The following ANKRD45 variants were observed in gnomAD, a reference collection of about 807,000 sequenced individuals.
The protein encoded by ANKRD45 is ankyrin repeat domain-containing protein 45.
Under a neutral mutation model 28.1 loss-of-function variants are expected in ANKRD45, and 21 were observed. The ratio of observed to expected loss-of-function variants is 0.75; its 90% confidence interval spans 0.53 to 1.08. The LOEUF (loss-of-function observed/expected upper bound fraction) is 1.08. ANKRD45 is among the 50% of genes least tolerant of loss of function. ANKRD45 has a pLI of 0.00. For missense variants in ANKRD45, 261 were observed against 308.7 expected (o/e 0.85, Z 1.16); for synonymous variants, 86 against 103.9 (o/e 0.83, Z 1.05).
the ANKRD45 span, among the ~76,000 whole-genome samples, chr1:173,706,119 A>G: frequency 6.6e-6 from 1 of 151,938 alleles, no homozygotes; most frequent in Admixed American, 6.5e-5. Context: ...CCTGACCAAT[A>G]TGGTGAAACC....
At chr1:173,650,386 A>G (rs988718494) in intron 2 of ANKRD45, among the ~76,000 whole-genome samples, 6 of 152,170 alleles carry the variant, frequency 3.9e-5, no homozygotes, top group African/African-American at 9.7e-5. Flanking sequence ...TTTGCTGAGA[A>G]TGATGGTTTC....
intron 1 of ANKRD45, among the ~76,000 whole-genome samples, chr1:173,662,898 T>C (rs1284926983): frequency 6.6e-6 from 1 of 152,106 alleles, no homozygotes; most frequent in Non-Finnish European, 1.5e-5. Flanking sequence ...GGATTGGAAA[T>C]GGGAGTTGAG....
chr1:173,635,045 G>T (rs1161086345), intron 3 of ANKRD45, among the ~76,000 whole-genome samples: 1 of 151,954 alleles, frequency 6.6e-6, no homozygotes, highest in African/African-American at 2.4e-5. Flanking sequence ...AAATGTTAGA[G>T]GTGACATGAG....
the ANKRD45 span, among the ~76,000 whole-genome samples, chr1:173,677,571 T>C: frequency 5.3e-5 from 8 of 152,184 alleles, no homozygotes; most frequent in Non-Finnish European, 1.2e-4. Context: ...TGTTAATTTC[T>C]GGCCCTCTGT....
At chr1:173,625,000 C>T (rs765771270) in intron 4 of ANKRD45, 75 bp from the exon 5 acceptor site, 44 of 1,454,620 alleles carry the variant, frequency 3.0e-5, no homozygotes, top group Non-Finnish European at 4.1e-5. Flanking sequence ...TCTAAACCAG[C>T]ACGTCCAACT....
chr1:173,678,270 T>A, the ANKRD45 span, among the ~76,000 whole-genome samples: 1 of 151,974 alleles, frequency 6.6e-6, no homozygotes, highest in Non-Finnish European at 1.5e-5. Context: ...AAAAAGAAAA[T>A]TTTAGGCCAA....
At chr1:173,674,612 G>C (rs986391062), upstream of ANKRD45, among the ~76,000 whole-genome samples, 6 of 152,254 alleles carry the variant, frequency 3.9e-5, no homozygotes, top group Non-Finnish European at 8.8e-5. Flanking sequence ...GGAAAGGTGG[G>C]ACAACTCGAA....
intron 2 of ANKRD45, among the ~76,000 whole-genome samples, chr1:173,647,610 G>A (rs1668995104): frequency 6.6e-6 from 1 of 152,146 alleles, no homozygotes; most frequent in South Asian, 2.1e-4. Context: ...ATATTTTTCA[G>A]ATTGATTTTT....
At chr1:173,666,911 C>T (rs1670047018) in intron 1 of ANKRD45, among the ~76,000 whole-genome samples, 1 of 152,058 alleles carries the variant, frequency 6.6e-6, no homozygotes, top group African/African-American at 2.4e-5. Flanking sequence ...GCCATCACAC[C>T]AGGCTAATTT....
intron 5 of ANKRD45, among the ~76,000 whole-genome samples, chr1:173,611,615 A>G (rs1353827653): frequency 5.1e-5 from 5 of 98,338 alleles, no homozygotes; most frequent in Non-Finnish European, 4.5e-5. Flanking sequence ...ACACACACAC[A>G]CACACAATAA....
chr1:173,620,969 A>G lies in ANKRD45; in HGVS notation c.730+3818T>C, dbSNP rs370465541. ...TCAAATAGACACAATCAGAAATGAT[A>G]AAGTTGATATCACCACTGATTCCAC... On this transcript the variant is annotated intron_variant, in intron 5 of 5. Coordinates refer to ENST00000333279, the MANE Select transcript of ANKRD45 (RefSeq NM_198493.3). Among the ~76,000 whole-genome samples, 8 of 152,322 alleles carry G rather than the reference A, an allele frequency of 5.3e-5. No homozygotes were observed. In the South Asian group the frequency reaches 8.3e-4, roughly 16 times the overall value.
chr1:173,681,071 A>G, the ANKRD45 span, among the ~76,000 whole-genome samples: 4 of 151,974 alleles, frequency 2.6e-5, no homozygotes, highest in Non-Finnish European at 5.9e-5. Context: ...CATGGCACAT[A>G]TATACCTATG....
intron 1 of ANKRD45, among the ~76,000 whole-genome samples, chr1:173,660,073 T>C (rs997031927): frequency 6.6e-6 from 1 of 152,238 alleles, no homozygotes; most frequent in Non-Finnish European, 1.5e-5. Context: ...GATAAAATTA[T>C]TCAAGATGTT....
intron 3 of ANKRD45, chr1:173,637,080 C>A: frequency 8.1e-7 from 1 of 1,229,894 alleles, no homozygotes; most frequent in Non-Finnish European, 1.1e-6. Flanking sequence ...ATAGATATCA[C>A]AAAAGAAATC....
the ANKRD45 span, among the ~76,000 whole-genome samples, chr1:173,706,758 T>C: frequency 2.8e-4 from 43 of 152,336 alleles, 2 homozygotes; most frequent in Admixed American, 1.4e-3. Context: ...TTACAAAGTA[T>C]CCTGCAGTGA....
chr1:173,644,549 C>G (rs1668839655), intron 3 of ANKRD45, among the ~76,000 whole-genome samples: 1 of 152,078 alleles, frequency 6.6e-6, no homozygotes, highest in Non-Finnish European at 1.5e-5. Flanking sequence ...CCTAAGGACT[C>G]AAATTAAACA....
the ANKRD45 span, among the ~76,000 whole-genome samples, chr1:173,709,050 C>T: frequency 2.0e-5 from 3 of 152,352 alleles, no homozygotes; most frequent in South Asian, 2.1e-4. Flanking sequence ...ATTTCACCAG[C>T]TTTGTGTCAT....
At chr1:173,659,017 C>G (rs758440474) in intron 2 of ANKRD45, 74 bp downstream of exon 2, 198 of 1,538,268 alleles carry the variant, frequency 1.3e-4, no homozygotes, top group Non-Finnish European at 1.6e-4. Flanking sequence ...TCAAATATAT[C>G]TAACCTTAAA....
At chr1:173,692,853 T>G in the ANKRD45 span, among the ~76,000 whole-genome samples, 1 of 152,196 alleles carries the variant, frequency 6.6e-6, no homozygotes, top group Admixed American at 6.5e-5. Flanking sequence ...AGTGATTATT[T>G]CACCAGGCAG....
Sources: gnomAD v4.1 joint callset for allele counts (sites outside exome capture counted in the v4.1 genomes callset) on GRCh38, gnomAD v4.1.1 for gene constraint, MANE v1.5 for transcripts, NCBI Gene and HGNC (gene_info 2026-07-23, HGNC 2026-07-21) for gene names.